Variants in STPG1 observed in about 807,000 individuals in gnomAD.
STPG1 encodes the protein O(6)-methylguanine-induced apoptosis 2.
In STPG1, 33 loss-of-function variants were observed where a neutral mutation model predicts 40.1. That is an observed-to-expected ratio of 0.82 (90% CI 0.62 to 1.10). STPG1 has a LOEUF of 1.10. Ranked by LOEUF, STPG1 falls within the 50% of genes least tolerant of loss-of-function variation. The pLI is 0.00. For synonymous variants in STPG1, 150 were observed against 155.0 expected, an observed-to-expected ratio of 0.97 and a Z score of 0.24; for missense variants, 396 against 415.1, an observed-to-expected ratio of 0.95 and a Z score of 0.40.
intron 3 of STPG1, among the ~76,000 whole-genome samples, chr1:24,389,504 T>C (rs922431283): frequency 2.0e-5 from 3 of 152,168 alleles, no homozygotes; most frequent in Non-Finnish European, 2.9e-5. Context: ...TTTGAGCCTC[T>C]TAAGTGCCAA....
intron 3 of STPG1, 63 bp downstream of exon 3, chr1:24,391,498 T>C (rs1450877094): frequency 4.0e-5 from 42 of 1,045,518 alleles, no homozygotes; most frequent in Middle Eastern, 2.0e-4. Flanking sequence ...AGACAGAACG[T>C]GCCTGTCCCG....
intron 1 of STPG1, among the ~76,000 whole-genome samples, chr1:24,412,784 G>A (rs556617968): frequency 1.3e-5 from 2 of 152,294 alleles, no homozygotes; most frequent in African/African-American, 4.8e-5. Context: ...AATACTAGAG[G>A]TAGACACCTT....
At chr1:24,412,964 C>T (rs543298630) in intron 1 of STPG1, among the ~76,000 whole-genome samples, 1 of 152,340 alleles carries the variant, frequency 6.6e-6, no homozygotes, top group African/African-American at 2.4e-5. Flanking sequence ...ATACATGTTA[C>T]TGTACAGGGT....
chr1:24,375,406 A>C (rs1473122730), intron 5 of STPG1, among the ~76,000 whole-genome samples: 3 of 152,196 alleles, frequency 2.0e-5, no homozygotes, highest in Non-Finnish European at 4.4e-5. Flanking sequence ...TTCTCGAGAA[A>C]TGCAGATGGC....
In STPG1 at chr1:24,379,694, T is replaced by C. The variant is rs1642193428; in HGVS notation, c.421A>G (p.Lys141Glu). 5.0e-6 allele frequency: 8 copies of C among 1,614,126 alleles called. No individual in the cohort carries two copies. The highest frequency in any genetic ancestry group is 6.8e-6 in the Non-Finnish European group (8 of 1,180,042). ...GCAGGAGTTTCAAACTTGAGAGCTT[T>C]CATAAAGCTTGGCAACTGGAACATG... ...SSMFQLPSFM[K>E]ALKFETPAPN... is the part of the protein sequence containing the mutation. Residue 141 changes from lysine to glutamate, a missense_variant, in exon 5 of 9, where the codon AAA (lysine) becomes GAA (glutamate). Physicochemically the swap from Lys to Glu is moderately conservative, Grantham distance 56. Coordinates refer to ENST00000337248, the MANE Select transcript of STPG1 (RefSeq NM_001199013.2).
chr1:24,358,717 C>A, intron 8 of STPG1, 98 bp from the exon 9 acceptor site: 1 of 847,712 alleles, frequency 1.2e-6, no homozygotes, highest in African/African-American at 1.7e-5. Flanking sequence ...CTGGGGACCC[C>A]TGTGCCAGCC....
intron 7 of STPG1, among the ~76,000 whole-genome samples, chr1:24,366,918 G>A (rs550794892): frequency 1.7e-4 from 26 of 152,312 alleles, no homozygotes; most frequent in South Asian, 8.3e-4. Flanking sequence ...GAGCCTTTAA[G>A]ATGCCTGTGC....
At chr1:24,367,242 G>C (rs1160764597) in intron 7 of STPG1, among the ~76,000 whole-genome samples, 1 of 152,182 alleles carries the variant, frequency 6.6e-6, no homozygotes, top group Non-Finnish European at 1.5e-5. Context: ...GAAATCTATA[G>C]AGTCTGCTGA....
intron 4 of STPG1, among the ~76,000 whole-genome samples, chr1:24,383,481 C>A (rs1244391138): frequency 6.6e-6 from 1 of 152,222 alleles, no homozygotes; most frequent in Non-Finnish European, 1.5e-5. Context: ...TTCAGGCCCA[C>A]TGCCGGCTTT....
intron 1 of STPG1, among the ~76,000 whole-genome samples, chr1:24,402,232 T>TAGAC (rs1643253719): frequency 6.6e-6 from 1 of 152,214 alleles, no homozygotes; most frequent in Admixed American, 6.5e-5. Context: ...AATGCAATCA[T>TAGAC]AGACACTCTT....
At position 24,379,813 on chromosome 1, in the gene STPG1, A is replaced by T; in HGVS notation, c.302T>A (p.Leu101Ter). 5 of 1,613,960 alleles carry T rather than the reference A, an allele frequency of 3.1e-6. No homozygotes were observed. Among genetic ancestry groups the T allele is most frequent in the Non-Finnish European group, 4.2e-6 (5 of 1,179,796 alleles). ...TCMFPSMCARLDTIISKYPAA... is the reference protein window; with the variant it reads ...TCMFPSMCAR ...AGGGTATTTAGAAATGATGGTGTCC[A>T]ATCGGGCGCACTGTAAGGAGACAAC... Residue 101 changes from leucine to a stop codon, truncating the protein, a stop_gained, in exon 5 of 9, where the codon TTG becomes TAG. Transcript: ENST00000337248. LOFTEE classifies it high-confidence loss of function.
At chr1:24,409,351 C>A (rs539890346) in intron 1 of STPG1, among the ~76,000 whole-genome samples, 11 of 152,224 alleles carry the variant, frequency 7.2e-5, no homozygotes, top group Non-Finnish European at 1.6e-4. Context: ...CAAAGTGAGA[C>A]CCTGTCTCAA....
At chr1:24,376,887 C>T (rs952264515) in intron 5 of STPG1, among the ~76,000 whole-genome samples, 9 of 152,152 alleles carry the variant, frequency 5.9e-5, no homozygotes, top group African/African-American at 1.7e-4. Context: ...ATAATCTCCT[C>T]GCTGGTTTTC....
chr1:24,407,017 T>C (rs1643439708), intron 1 of STPG1, among the ~76,000 whole-genome samples: 1 of 152,314 alleles, frequency 6.6e-6, no homozygotes, highest in South Asian at 2.1e-4. Context: ...TTAACCAATA[T>C]GGTACTTCCC....
chr1:24,374,160 A>G (rs549899504), intron 5 of STPG1, among the ~76,000 whole-genome samples: 58 of 151,950 alleles, frequency 3.8e-4, no homozygotes, highest in South Asian at 8.3e-4. Context: ...TCATCTGTAA[A>G]ACGGATTGGA....
chr1:24,390,202 G>T (rs1169834724), intron 3 of STPG1, among the ~76,000 whole-genome samples: 1 of 152,192 alleles, frequency 6.6e-6, no homozygotes, highest in African/African-American at 2.4e-5. Context: ...ATGAATGAAG[G>T]AATGAAAAAC....
intron 5 of STPG1, among the ~76,000 whole-genome samples, chr1:24,374,257 G>GTTTTTTT (rs1553122570): frequency 4.8e-5 from 3 of 62,120 alleles, no homozygotes; most frequent in Admixed American, 2.0e-4. Context: ...TTTTTTTTTT[G>GTTTTTTT]TTTTTTTTTT....
intron 5 of STPG1, among the ~76,000 whole-genome samples, chr1:24,374,152 A>G (rs11249095): frequency 0.088 from 13,267 of 151,134 alleles, 869 homozygotes; most frequent in African/African-American, 0.18. Context: ...CAGTTTTCTC[A>G]TCTGTAAAAC....
At chr1:24,387,340 G>C (rs1642558245) in intron 3 of STPG1, among the ~76,000 whole-genome samples, 1 of 152,124 alleles carries the variant, frequency 6.6e-6, no homozygotes, top group South Asian at 2.1e-4. Flanking sequence ...ATTTGAGTTG[G>C]GGGCATTTGA....
Sources: allele counts gnomAD v4.1 joint callset (sites outside exome capture counted in the v4.1 genomes callset), GRCh38; gene constraint gnomAD v4.1.1; transcripts MANE v1.5; gene names NCBI Gene and HGNC (gene_info 2026-07-23, HGNC 2026-07-21).